Variants in SLC24A2 observed in about 807,000 individuals in gnomAD.
SLC24A2 encodes the protein solute carrier family 24 member 2.
A neutral mutation model predicts 62.0 loss-of-function variants in SLC24A2; 36 were observed. The ratio of observed to expected loss-of-function variants is 0.58; its 90% CI spans 0.44 to 0.77. The LOEUF (loss-of-function observed/expected upper bound fraction) is 0.77. Among genes scored for constraint, SLC24A2 ranks in the 30% least tolerant of loss-of-function variants. The probability of loss-of-function intolerance (pLI) is 0.00; values close to 1 mark genes in which losing one functional copy is unlikely to be tolerated. For synonymous variants in SLC24A2, 358 were observed against 294.0 expected, an observed-to-expected ratio of 1.22 and a Z score of -2.23; for missense variants, 846 against 817.9, an observed-to-expected ratio of 1.03 and a Z score of -0.42.
At chr9:19,694,358 C>T (rs886393743) in intron 2 of SLC24A2, among the ~76,000 whole-genome samples, 3 of 150,792 alleles carry the variant, frequency 2.0e-5, no homozygotes, top group African/African-American at 7.4e-5. Context: ...TTTGTTCTCT[C>T]ACTAATGGAA....
At chr9:20,091,192 G>A in the SLC24A2 span, among the ~76,000 whole-genome samples, 213 of 150,938 alleles carry the variant, frequency 1.4e-3, no homozygotes, top group Non-Finnish European at 1.7e-3. Flanking sequence ...AAACCTCCGA[G>A]AAATATGGGA....
chr9:20,251,045 A>G, the SLC24A2 span, among the ~76,000 whole-genome samples: 3 of 152,246 alleles, frequency 2.0e-5, no homozygotes, highest in Non-Finnish European at 4.4e-5. Flanking sequence ...CAGAGGGGTC[A>G]GATTTAGTCT....
the SLC24A2 span, among the ~76,000 whole-genome samples, chr9:19,877,036 T>C: frequency 6.6e-6 from 1 of 152,010 alleles, no homozygotes; most frequent in Non-Finnish European, 1.5e-5. Context: ...GCTAAATTTC[T>C]CTCTATATTA....
chr9:20,092,123 G>GA, the SLC24A2 span, among the ~76,000 whole-genome samples: 2 of 152,100 alleles, frequency 1.3e-5, no homozygotes. Flanking sequence ...GAGAAGATCA[G>GA]AAAAAAATAA....
intron 2 of SLC24A2, among the ~76,000 whole-genome samples, chr9:19,763,135 A>T (rs1467297135): frequency 6.6e-6 from 1 of 152,184 alleles, no homozygotes; most frequent in Non-Finnish European, 1.5e-5. Flanking sequence ...ATTGGTGTAT[A>T]GGAATGCTTG....
chr9:20,138,253 G>A, the SLC24A2 span, among the ~76,000 whole-genome samples: 1 of 152,228 alleles, frequency 6.6e-6, no homozygotes, highest in East Asian at 1.9e-4. Context: ...TCCAAATAAT[G>A]CAGGCTCAAT....
At chr9:19,671,238 A>G (rs901655588) in intron 2 of SLC24A2, among the ~76,000 whole-genome samples, 6 of 151,806 alleles carry the variant, frequency 4.0e-5, no homozygotes, top group Admixed American at 2.0e-4. Context: ...AGTGTTTCAT[A>G]GTTTTCCTTG....
chr9:20,082,397 C>A, the SLC24A2 span, among the ~76,000 whole-genome samples: 1 of 152,224 alleles, frequency 6.6e-6, no homozygotes, highest in Non-Finnish European at 1.5e-5. Context: ...ATCCACATGA[C>A]CCTCTTCTCC....
chr9:19,516,282 G>C lies in SLC24A2; in HGVS notation c.1857C>G (p.Leu619=), dbSNP rs3739480. The C allele has an allele frequency of 0.015, 24,686 of 1,614,122 alleles. 1,421 individuals carry two copies. In the African/African-American group the frequency reaches 0.16, roughly 10 times the overall value. ...TTCGCCACTTGCAGAGGGCGATAGA[G>C]AGGATGACGAAGAGCAGCATGATGA... The part of the protein sequence containing the change: ...LLFIMLLFVI[L]SIALCKWRMN... Residue 619 remains leucine (L), a synonymous_variant, in exon 11 of 11, where the codon CTC becomes CTG. Coordinates refer to ENST00000341998, the MANE Select transcript of SLC24A2 (RefSeq NM_020344.4).
At chr9:20,115,563 A>G in the SLC24A2 span, among the ~76,000 whole-genome samples, 2 of 152,142 alleles carry the variant, frequency 1.3e-5, no homozygotes, top group Non-Finnish European at 2.9e-5. Flanking sequence ...ATGCCTGTAC[A>G]ATGAACAGAA....
chr9:20,236,975 G>A, the SLC24A2 span, among the ~76,000 whole-genome samples: 58 of 152,010 alleles, frequency 3.8e-4, no homozygotes, highest in Admixed American at 9.2e-4. Context: ...GGAGGGGGTG[G>A]GGACAGACAA....
the SLC24A2 span, among the ~76,000 whole-genome samples, chr9:20,137,478 T>C: frequency 2.0e-5 from 3 of 152,180 alleles, no homozygotes; most frequent in African/African-American, 7.2e-5. Flanking sequence ...ATCAAATCTT[T>C]ATAGTTTTTG....
At chr9:19,606,526 A>G (rs1286859761) in intron 4 of SLC24A2, among the ~76,000 whole-genome samples, 2 of 152,248 alleles carry the variant, frequency 1.3e-5, no homozygotes, top group Admixed American at 1.3e-4. Flanking sequence ...AGCACTGGCT[A>G]AAGTTCCCCC....
chr9:19,708,327 T>G lies in SLC24A2; in HGVS notation c.930+77610A>C, dbSNP rs549472086. ...ATCAATATCGTGAAAATGGCCATAC[T>G]GCCCAAGGTAATTTATAGATTCAAT... On this transcript the variant is annotated intron_variant, in intron 2 of 10. Coordinates refer to ENST00000341998, the MANE Select transcript of SLC24A2 (RefSeq NM_020344.4). 4.7e-4 allele frequency among the ~76,000 whole-genome samples: 71 copies of G among 152,242 alleles called. No individual in the cohort carries two copies. In the East Asian group the frequency reaches 0.013, roughly 27 times the overall value.
chr9:19,849,182 T>C, the SLC24A2 span, among the ~76,000 whole-genome samples: 1 of 152,068 alleles, frequency 6.6e-6, no homozygotes, highest in Non-Finnish European at 1.5e-5. Context: ...TGCTCTGCGT[T>C]TGGGGATTAG....
intron 7 of SLC24A2, among the ~76,000 whole-genome samples, chr9:19,566,967 G>A (rs12337192): frequency 0.11 from 16,765 of 151,644 alleles, 993 homozygotes; most frequent in African/African-American, 0.15. Context: ...TTGTGGGGTG[G>A]GGGAGGGGGG....
At chr9:20,001,012 T>C in the SLC24A2 span, among the ~76,000 whole-genome samples, 2 of 152,210 alleles carry the variant, frequency 1.3e-5, no homozygotes, top group Non-Finnish European at 2.9e-5. Flanking sequence ...AGATCACGTT[T>C]TGAGGCCCTT....
chr9:20,064,551 T>C, the SLC24A2 span, among the ~76,000 whole-genome samples: 3 of 152,338 alleles, frequency 2.0e-5, no homozygotes, highest in Admixed American at 2.0e-4. Flanking sequence ...GAGGTTGTTA[T>C]TTACACAGGC....
At chr9:20,295,047 TATATATACACACACAC>T in the SLC24A2 span, among the ~76,000 whole-genome samples, 4 of 146,274 alleles carry the variant, frequency 2.7e-5, no homozygotes, top group Non-Finnish European at 6.0e-5. Context: ...TATATATATA[TATATATACACACACAC>T]ATACACACAC....
Sources: allele counts gnomAD v4.1 joint callset (sites outside exome capture counted in the v4.1 genomes callset), GRCh38; gene constraint gnomAD v4.1.1; transcripts MANE v1.5; gene names NCBI Gene and HGNC (gene_info 2026-07-23, HGNC 2026-07-21).